PLCG2: variants seen among roughly 807,000 people sequenced by gnomAD.
PLCG2 encodes the protein phospholipase C gamma 2.
A neutral mutation model predicts 175.6 loss-of-function variants in PLCG2; 69 were observed. The observed-to-expected ratio is 0.39, with a 90% CI of 0.32 to 0.48. The LOEUF is 0.48. PLCG2 is among the 20% of genes least tolerant of loss of function. The pLI is 0.91. For missense variants in PLCG2, 1,798 were observed against 1,650.9 expected (o/e 1.09, Z -1.54); for synonymous variants, 827 against 624.0 (o/e 1.33, Z -4.85).
chr16:81,864,183 G>T (rs952672745), intron 5 of PLCG2, among the ~76,000 whole-genome samples: 3 of 152,186 alleles, frequency 2.0e-5, no homozygotes, highest in Admixed American at 6.5e-5. Context: ...GTGGCTGATT[G>T]AGTAGGTGGT....
chr16:81,739,461 A>C (rs924832614), intron 1 of PLCG2: 1 of 152,070 alleles, frequency 6.6e-6, no homozygotes, highest in Non-Finnish European at 1.5e-5. Flanking sequence ...TTTCTGGTAC[A>C]TTCTCTGGGA....
intron 15 of PLCG2, among the ~76,000 whole-genome samples, chr16:81,905,846 G>C (rs1044489416): frequency 6.6e-6 from 1 of 152,092 alleles, no homozygotes; most frequent in African/African-American, 2.4e-5. Flanking sequence ...TTTTTGCAGA[G>C]ATGGGATTTA....
At chr16:81,767,572 A>C (rs1186997703) in intron 2 of PLCG2, 1 of 152,106 alleles carries the variant, frequency 6.6e-6, no homozygotes, top group Non-Finnish European at 1.5e-5. Flanking sequence ...TTGTAATAAA[A>C]TCTTGTTTTT....
At chr16:81,835,618 A>C (rs937099136) in intron 2 of PLCG2, among the ~76,000 whole-genome samples, 1 of 151,964 alleles carries the variant, frequency 6.6e-6, no homozygotes, top group Non-Finnish European at 1.5e-5. Flanking sequence ...TAATGATAAT[A>C]ATTGAAGATA....
At chr16:81,766,463 GCGCCTCCTCCTCCTCCTCTT>G (rs1910152404) in intron 2 of PLCG2, among the ~76,000 whole-genome samples, 1 of 143,720 alleles carries the variant, frequency 7.0e-6, no homozygotes, top group East Asian at 2.1e-4. Flanking sequence ...CACTTAGCCA[GCGCCTCCTCCTCCTCCTCTT>G]CCTCCTCCTC....
intron 2 of PLCG2, among the ~76,000 whole-genome samples, chr16:81,820,116 A>T (rs770797769): frequency 6.6e-6 from 1 of 152,348 alleles, no homozygotes; most frequent in East Asian, 1.9e-4. Context: ...GTTGTGCTTC[A>T]TATTTTAAGA....
chr16:81,831,210 T>C (rs1410454621), intron 2 of PLCG2, among the ~76,000 whole-genome samples: 1 of 152,184 alleles, frequency 6.6e-6, no homozygotes, highest in Non-Finnish European at 1.5e-5. Flanking sequence ...TTGACTTGTC[T>C]CTGTCTCCTC....
intron 1 of PLCG2, among the ~76,000 whole-genome samples, chr16:81,740,823 G>T (rs1909577879): frequency 6.6e-6 from 1 of 150,900 alleles, no homozygotes; most frequent in Non-Finnish European, 1.5e-5. Flanking sequence ...GAGGCCTGGG[G>T]CTGTGGTCAG....
intron 20 of PLCG2, among the ~76,000 whole-genome samples, chr16:81,920,008 G>A (rs1411991098): frequency 6.6e-6 from 1 of 152,172 alleles, no homozygotes; most frequent in African/African-American, 2.4e-5. Flanking sequence ...GAAAAGGAAT[G>A]AGCCATGTGG....
At chr16:81,941,593 T>A (rs954162794) in intron 30 of PLCG2, among the ~76,000 whole-genome samples, 1 of 152,010 alleles carries the variant, frequency 6.6e-6, no homozygotes, top group African/African-American at 2.4e-5. Context: ...TCTAGAAATG[T>A]TCATTTTCAT....
intron 3 of PLCG2, among the ~76,000 whole-genome samples, chr16:81,857,076 TA>T (rs1203600190): frequency 1.4e-5 from 2 of 142,876 alleles, no homozygotes; most frequent in African/African-American, 5.0e-5. Flanking sequence ...AAAATAAATC[TA>T]TATTACTTTA....
rs756557048 is a variant in PLCG2, at chr16:81,936,278, C to T, written c.2952C>T (p.Arg984=). ...LLKYNQKGLT[R]VYPKGQRVDS... Reference sequence around the variant, plus strand: ...AGTACAATCAAAAGGGCCTGACCCGCGTCTACCCAAAGGGACAAAGAGTTG... The same window carrying T: ...AGTACAATCAAAAGGGCCTGACCCGTGTCTACCCAAAGGGACAAAGAGTTG... Residue 984 remains arginine (R), a synonymous_variant, in exon 27 of 33, where the codon CGC becomes CGT. Transcript: ENST00000564138. The T allele has an allele frequency of 5.0e-5, 81 of 1,614,076 alleles. No homozygotes were observed. Among genetic ancestry groups the T allele is most frequent in the Non-Finnish European group, 6.0e-5 (71 of 1,180,034 alleles).
intron 2 of PLCG2, among the ~76,000 whole-genome samples, chr16:81,820,625 ATT>A (rs11305035): frequency 8.2e-4 from 121 of 147,294 alleles, no homozygotes; most frequent in South Asian, 7.7e-3. Flanking sequence ...ACATTACCCA[ATT>A]TTTTTTTTTT....
In PLCG2 at chr16:81,958,246, G is replaced by C; in HGVS notation, c.*248G>C. Reference sequence around the variant, plus strand: ...TCCCCAAAATGTGCTCCTCATTTTTGGCCTCTCATGTTCCAAACCTCATTG... The same window carrying C: ...TCCCCAAAATGTGCTCCTCATTTTTCGCCTCTCATGTTCCAAACCTCATTG... On this transcript the variant is annotated 3_prime_UTR_variant, in exon 33 of 33. Coordinates refer to ENST00000564138, the MANE Select transcript of PLCG2 (RefSeq NM_002661.5). 1 of 520,084 alleles carries C rather than the reference G, an allele frequency of 1.9e-6. No homozygotes were observed. Among genetic ancestry groups the C allele is most frequent in the Admixed American group, 3.3e-5 (1 of 30,608 alleles). 32.2% of individuals were successfully genotyped at this position (520,084 alleles called of 1,614,324 possible).
intron 5 of PLCG2, 60 bp downstream of exon 5, chr16:81,859,223 A>C: frequency 1.8e-6 from 2 of 1,129,826 alleles, no homozygotes; most frequent in Non-Finnish European, 2.7e-6. Context: ...TCTATCTTTA[A>C]ACCTTCCAAG....
chr16:81,941,195 G>A (rs1362705582), intron 30 of PLCG2, among the ~76,000 whole-genome samples: 4 of 152,092 alleles, frequency 2.6e-5, no homozygotes, highest in African/African-American at 9.7e-5. Flanking sequence ...TCTGCTACTG[G>A]GCAGGAGCCC....
intron 14 of PLCG2, among the ~76,000 whole-genome samples, chr16:81,904,669 C>G (rs1368066897): frequency 6.6e-6 from 1 of 152,162 alleles, no homozygotes; most frequent in African/African-American, 2.4e-5. Context: ...TGTTTATTCA[C>G]CGAGTATCAA....
chr16:81,832,315 T>A (rs1224158926), intron 2 of PLCG2, among the ~76,000 whole-genome samples: 3 of 152,220 alleles, frequency 2.0e-5, no homozygotes, highest in Non-Finnish European at 4.4e-5. Flanking sequence ...GGAATAATCC[T>A]CAGATTAAGC....
intron 2 of PLCG2, among the ~76,000 whole-genome samples, chr16:81,822,785 A>G (rs1292603468): frequency 2.6e-5 from 4 of 151,700 alleles, no homozygotes; most frequent in Admixed American, 2.6e-4. Flanking sequence ...AAAAAAAGAA[A>G]AAGGCAGGAG....
Sources: gnomAD v4.1 joint callset for allele counts (sites outside exome capture counted in the v4.1 genomes callset) on GRCh38, gnomAD v4.1.1 for gene constraint, MANE v1.5 for transcripts, NCBI Gene and HGNC (gene_info 2026-07-23, HGNC 2026-07-21) for gene names.